Variants in ACSM1 observed in about 807,000 individuals in gnomAD.
ACSM1 encodes acyl-CoA synthetase medium chain family member 1, also known as acyl-coenzyme A synthetase ACSM1, mitochondrial.
A neutral mutation model predicts 75.8 loss-of-function variants in ACSM1; 79 were observed. That is an observed-to-expected ratio of 1.04 (90% confidence interval 0.87 to 1.26). The LOEUF is 1.26. Among genes scored for constraint, ACSM1 ranks in the 50% most tolerant of loss-of-function variants. The pLI is 0.00. For missense variants in ACSM1, 676 were observed against 720.1 expected (o/e 0.94, Z 0.70); for synonymous variants, 279 against 265.8 (o/e 1.05, Z -0.48).
intron 10 of ACSM1, among the ~76,000 whole-genome samples, chr16:20,633,107 C>A (rs1424054790): frequency 6.6e-6 from 1 of 152,144 alleles, no homozygotes; most frequent in Non-Finnish European, 1.5e-5. Flanking sequence ...ACCAAAAACA[C>A]AAGGATGCCT....
At chr16:20,629,948 C>T (rs1030619774) in intron 10 of ACSM1, among the ~76,000 whole-genome samples, 2 of 147,960 alleles carry the variant, frequency 1.4e-5, no homozygotes, top group African/African-American at 5.0e-5. Flanking sequence ...GCTGAAATCG[C>T]ACCACTGCAC....
At chr16:20,654,539 C>T (rs1026231076) in intron 7 of ACSM1, among the ~76,000 whole-genome samples, 1 of 152,074 alleles carries the variant, frequency 6.6e-6, no homozygotes, top group Non-Finnish European at 1.5e-5. Context: ...ACAAACAACT[C>T]AAACAAATTT....
At chr16:20,685,986 A>T (rs1340710101) in intron 2 of ACSM1, among the ~76,000 whole-genome samples, 1 of 152,016 alleles carries the variant, frequency 6.6e-6, no homozygotes, top group Non-Finnish European at 1.5e-5. Flanking sequence ...ATTCCACCAC[A>T]TGCCTGCCTT....
intron 7 of ACSM1, among the ~76,000 whole-genome samples, chr16:20,656,600 C>T (rs1309368996): frequency 2.0e-5 from 3 of 152,208 alleles, no homozygotes; most frequent in Non-Finnish European, 4.4e-5. Flanking sequence ...TTAAGAGTTG[C>T]TTTATAATGA....
intron 2 of ACSM1, among the ~76,000 whole-genome samples, chr16:20,688,084 C>CAAA (rs34719963): frequency 1.0e-5 from 1 of 95,468 alleles, no homozygotes; most frequent in Non-Finnish European, 2.2e-5. Context: ...AACTCTGTCT[C>CAAA]AAAAAAAAAA....
chr16:20,655,461 G>A (rs1369721718), intron 7 of ACSM1, among the ~76,000 whole-genome samples: 4 of 152,072 alleles, frequency 2.6e-5, no homozygotes, highest in Admixed American at 1.3e-4. Context: ...CAGTCTGAAC[G>A]CTTGTGAATG....
chr16:20,634,095 T>C lies in ACSM1; in HGVS notation c.1299+2644A>G, dbSNP rs572424437. 1.4e-4 allele frequency among the ~76,000 whole-genome samples: 21 copies of C among 152,304 alleles called. No individual in the cohort carries two copies. The South Asian group carries it at 4.1e-3, about 30-fold the overall frequency. ...CTCTCCCATATATTGTCAATTGATTTAAGTATAGGTGCCAAAACCATTCCA... is the reference window on the plus strand; with the variant it reads ...CTCTCCCATATATTGTCAATTGATTCAAGTATAGGTGCCAAAACCATTCCA... On this transcript the variant is annotated intron_variant, in intron 10 of 13. Transcript: ENST00000520010.
intron 4 of ACSM1, 142 bp from the exon 5 acceptor site, chr16:20,671,813 C>A: frequency 2.3e-6 from 2 of 876,810 alleles, no homozygotes; most frequent in Non-Finnish European, 3.2e-6. Flanking sequence ...CGGAGTTAGG[C>A]ATCACACTGA....
At chr16:20,687,500 TC>T (rs1280610663) in intron 2 of ACSM1, among the ~76,000 whole-genome samples, 1 of 152,084 alleles carries the variant, frequency 6.6e-6, no homozygotes, top group African/African-American at 2.4e-5. Context: ...CAGCTGCTCT[TC>T]AAGACTGAGA....
At chr16:20,641,185 G>A (rs1442706928) in intron 7 of ACSM1, among the ~76,000 whole-genome samples, 1 of 152,114 alleles carries the variant, frequency 6.6e-6, no homozygotes, top group East Asian at 1.9e-4. Flanking sequence ...AGGCTGATGT[G>A]AACAGGAAAA....
intron 10 of ACSM1, among the ~76,000 whole-genome samples, chr16:20,632,555 A>G (rs1409979630): frequency 1.3e-5 from 2 of 152,230 alleles, no homozygotes; most frequent in African/African-American, 4.8e-5. Context: ...AACACCTTCC[A>G]AAAGAGAAAA....
intron 1 of ACSM1, among the ~76,000 whole-genome samples, chr16:20,691,784 T>TGTGC (rs958652363): frequency 1.3e-5 from 2 of 151,234 alleles, no homozygotes; most frequent in African/African-American, 4.9e-5. Context: ...TGTGTGTGTG[T>TGTGC]GTGTGTGTGT....
At chr16:20,638,673 T>C (rs903619933) in intron 8 of ACSM1, among the ~76,000 whole-genome samples, 4 of 152,206 alleles carry the variant, frequency 2.6e-5, no homozygotes, top group South Asian at 2.1e-4. Context: ...TGAGAAAGCA[T>C]ACATAATATC....
At chr16:20,678,906 T>C (rs945197321) in intron 4 of ACSM1, among the ~76,000 whole-genome samples, 2 of 152,074 alleles carry the variant, frequency 1.3e-5, no homozygotes, top group East Asian at 3.9e-4. Context: ...TCTGAGATTT[T>C]GTTCAGCCGG....
chr16:20,672,179 A>G (rs1323802797), intron 4 of ACSM1, among the ~76,000 whole-genome samples: 3 of 151,822 alleles, frequency 2.0e-5, no homozygotes, highest in Non-Finnish European at 4.4e-5. Flanking sequence ...CTCAGTCGGC[A>G]TCCTAGTCTG....
Position 20,685,479 on chromosome 16 carries a change from T to C in ACSM1, c.193-76A>G, listed in dbSNP as rs940183499. On this transcript the variant is annotated intron_variant, in intron 2 of 13. Transcript: ENST00000520010. ...CACTTAGTAAACTAATCCACAGCCA[T>C]AGTCACGTTCCAATGTGAACACAGC... 5 of 1,351,222 alleles carry C rather than the reference T, an allele frequency of 3.7e-6. No homozygotes were observed. In the South Asian group the frequency reaches 4.7e-5, roughly 13 times the overall value. 83.7% of individuals were successfully genotyped at this position (1,351,222 alleles called of 1,614,324 possible). A position where few individuals can be genotyped will look rare whatever the true frequency, so the allele number is the denominator to read the frequency against.
intron 5 of ACSM1, 81 bp from the exon 6 acceptor site, chr16:20,670,067 G>C (rs1044649090): frequency 3.6e-6 from 5 of 1,390,208 alleles, no homozygotes; most frequent in Non-Finnish European, 5.0e-6. Context: ...TTTTAGCTAC[G>C]AACCCACCTT....
In ACSM1 at chr16:20,625,441, T is replaced by C. The variant is rs149903072; in HGVS notation, c.1509A>G (p.Pro503=). ...AVAESAVVGS[P]DPIRGEVVKA... Reference sequence around the variant, plus strand: ...TCCTCACCTCCCCTCGAATCGGGTCTGGGCTGCCCACCACGGCTGACTCCG... The same window carrying C: ...TCCTCACCTCCCCTCGAATCGGGTCCGGGCTGCCCACCACGGCTGACTCCG... Residue 503 remains proline (P), a synonymous_variant, in exon 12 of 14, where the codon CCA becomes CCG. Transcript: ENST00000520010. 1,694 of 1,614,112 alleles carry C rather than the reference T, an allele frequency of 1.0e-3. 18 individuals carry two copies. The African/African-American group carries it at 0.02, about 19-fold the overall frequency.
chr16:20,640,412 TA>T, intron 8 of ACSM1, 48 bp downstream of exon 8: 1 of 1,607,858 alleles, frequency 6.2e-7, no homozygotes, highest in Non-Finnish European at 8.5e-7. Context: ...AATAATCTTT[TA>T]AATTAATTGA....
Sources: allele counts gnomAD v4.1 joint callset (sites outside exome capture counted in the v4.1 genomes callset), GRCh38; gene constraint gnomAD v4.1.1; transcripts MANE v1.5; gene names NCBI Gene and HGNC (gene_info 2026-07-23, HGNC 2026-07-21).